The following MOB3B variants were observed in gnomAD, a reference collection of about 807,000 sequenced individuals.
MOB3B encodes MOB kinase activator-like 2B.
MOB3B carries 7 observed loss-of-function variants against 18.7 expected under a neutral mutation model. That is an observed-to-expected ratio of 0.37 (90% CI 0.21 to 0.70). The LOEUF is 0.70. Ranked by LOEUF, MOB3B falls within the 30% of genes least tolerant of loss-of-function variation. The pLI, the probability that MOB3B is intolerant of heterozygous loss-of-function variation, is 0.52. For missense variants in MOB3B, 253 were observed against 281.3 expected (o/e 0.90, Z 0.72); for synonymous variants, 111 against 99.9 (o/e 1.11, Z -0.66).
chr9:27,431,123 T>C (rs1822410828), intron 2 of MOB3B, among the ~76,000 whole-genome samples: 1 of 152,216 alleles, frequency 6.6e-6, no homozygotes, highest in Non-Finnish European at 1.5e-5. Flanking sequence ...TAAATTCTCA[T>C]TTTAAAAATG....
intron 2 of MOB3B, among the ~76,000 whole-genome samples, chr9:27,405,258 C>T (rs931864197): frequency 1.3e-5 from 2 of 151,832 alleles, no homozygotes; most frequent in African/African-American, 2.4e-5. Flanking sequence ...CAGGCATATG[C>T]CACCATGCCC....
At chr9:27,350,467 C>G (rs1344094482) in intron 3 of MOB3B, among the ~76,000 whole-genome samples, 1 of 152,132 alleles carries the variant, frequency 6.6e-6, no homozygotes, top group Non-Finnish European at 1.5e-5. Flanking sequence ...GACCACATCT[C>G]ATCTCTGACC....
chr9:27,444,606 T>C (rs1271290689), intron 2 of MOB3B, among the ~76,000 whole-genome samples: 2 of 152,202 alleles, frequency 1.3e-5, no homozygotes, highest in Non-Finnish European at 2.9e-5. Flanking sequence ...GTTTTTAAGT[T>C]ATTATGTTTT....
chr9:27,497,764 T>A (rs971156193), intron 1 of MOB3B, among the ~76,000 whole-genome samples: 2 of 152,238 alleles, frequency 1.3e-5, no homozygotes, highest in Non-Finnish European at 2.9e-5. Flanking sequence ...AAATTAACAA[T>A]GGATGAACAA....
chr9:27,457,686 G>T (rs569154988), intron 1 of MOB3B, among the ~76,000 whole-genome samples: 23 of 147,738 alleles, frequency 1.6e-4, no homozygotes, highest in Admixed American at 1.5e-3. Flanking sequence ...ATATCCGCAA[G>T]GTGGGTTTTT....
intron 2 of MOB3B, among the ~76,000 whole-genome samples, chr9:27,429,969 G>A (rs1822393968): frequency 1.3e-5 from 2 of 152,178 alleles, no homozygotes; most frequent in South Asian, 4.1e-4. Context: ...TGCAGCTCAG[G>A]AGCGAATGCA....
intron 2 of MOB3B, among the ~76,000 whole-genome samples, chr9:27,374,639 G>T (rs1361588785): frequency 6.6e-6 from 1 of 152,110 alleles, no homozygotes. Flanking sequence ...AGAAACTGGT[G>T]CCTGCAGGCC....
rs529789621 is a variant in MOB3B, at chr9:27,357,203, A to G, written c.621+1831T>C. ...AGAATAATAAATTTCAAGGTGAAAAACACTAAAGGTGATATGTGAAATTCA... is the reference window on the plus strand; with the variant it reads ...AGAATAATAAATTTCAAGGTGAAAAGCACTAAAGGTGATATGTGAAATTCA... On this transcript the variant is annotated intron_variant, in intron 3 of 3. Coordinates refer to ENST00000262244, the MANE Select transcript of MOB3B (RefSeq NM_024761.5). Among the ~76,000 whole-genome samples the G allele has an allele frequency of 1.1e-3, 147 of 139,372 alleles. 1 individual carries two copies. Among genetic ancestry groups the G allele is most frequent in the Non-Finnish European group, 1.9e-3 (125 of 64,278 alleles). The allele number at this position is 139,372 out of a possible 152,430, so 91.4% of individuals were successfully genotyped here.
intron 1 of MOB3B, among the ~76,000 whole-genome samples, chr9:27,497,125 T>G (rs369077390): frequency 1.3e-5 from 2 of 152,162 alleles, no homozygotes; most frequent in Non-Finnish European, 2.9e-5. Context: ...AGAAAGATAT[T>G]CTTAGAAAAG....
At chr9:27,351,122 G>A (rs1280242983) in intron 3 of MOB3B, among the ~76,000 whole-genome samples, 1 of 151,908 alleles carries the variant, frequency 6.6e-6, no homozygotes, top group Non-Finnish European at 1.5e-5. Context: ...AGGCTGGTCT[G>A]GAACTCCTGA....
intron 1 of MOB3B, among the ~76,000 whole-genome samples, chr9:27,507,025 C>T (rs2131498515): frequency 6.6e-6 from 1 of 152,146 alleles, no homozygotes; most frequent in South Asian, 2.1e-4. Context: ...AGTATTGCTG[C>T]TTTATAGACA....
At chr9:27,414,642 C>G (rs756047369) in intron 2 of MOB3B, among the ~76,000 whole-genome samples, 1 of 152,142 alleles carries the variant, frequency 6.6e-6, no homozygotes, top group Non-Finnish European at 1.5e-5. Context: ...ACCAGTTACA[C>G]GTGGTGCAGT....
chr9:27,521,593 G>A (rs1409005886), intron 1 of MOB3B, among the ~76,000 whole-genome samples: 1 of 152,138 alleles, frequency 6.6e-6, no homozygotes, highest in African/African-American at 2.4e-5. Flanking sequence ...GGAACAAGCA[G>A]TTCTAATTGG....
intron 2 of MOB3B, among the ~76,000 whole-genome samples, chr9:27,404,482 C>T (rs1821937213): frequency 6.6e-6 from 1 of 151,008 alleles, no homozygotes; most frequent in African/African-American, 2.4e-5. Context: ...CTTGGCTTCC[C>T]GAGTAGCTGG....
intron 1 of MOB3B, among the ~76,000 whole-genome samples, chr9:27,494,209 A>T (rs939182897): frequency 4.6e-5 from 7 of 152,210 alleles, no homozygotes; most frequent in African/African-American, 1.7e-4. Flanking sequence ...TATCAATGAC[A>T]ATGGTGCCCG....
intron 1 of MOB3B, among the ~76,000 whole-genome samples, chr9:27,493,406 C>T (rs982199633): frequency 3.3e-5 from 5 of 152,020 alleles, no homozygotes; most frequent in Non-Finnish European, 5.9e-5. Context: ...TTTGGGAGGC[C>T]GAGACGGGAG....
intron 2 of MOB3B, among the ~76,000 whole-genome samples, chr9:27,381,257 C>A (rs1351373618): frequency 6.6e-6 from 1 of 151,788 alleles, no homozygotes; most frequent in African/African-American, 2.4e-5. Context: ...TTCTAAGGTG[C>A]CTTCTGGACC....
At chr9:27,453,941 T>C (rs1202299365) in intron 2 of MOB3B, among the ~76,000 whole-genome samples, 2 of 152,154 alleles carry the variant, frequency 1.3e-5, no homozygotes, top group African/African-American at 2.4e-5. Context: ...TTCTTCCTCC[T>C]ATGCTGTGAA....
chr9:27,393,464 G>A lies in MOB3B; in HGVS notation c.419-34228C>T, dbSNP rs150734135. Among the ~76,000 whole-genome samples the A allele has an allele frequency of 6.8e-4, 103 of 151,964 alleles. 2 individuals are homozygous for A. In the East Asian group the frequency reaches 0.017, roughly 25 times the overall value. On this transcript the variant is annotated intron_variant, in intron 2 of 3. Transcript: ENST00000262244. ...AGGTAGTTGCTCTGTTGTGGAACTC[G>A]AAGGACACCATCGATACTGTATTCT...
Sources: allele counts gnomAD v4.1 joint callset (sites outside exome capture counted in the v4.1 genomes callset), GRCh38; gene constraint gnomAD v4.1.1; transcripts MANE v1.5; gene names NCBI Gene and HGNC (gene_info 2026-07-23, HGNC 2026-07-21).